DACH1: variants seen among roughly 807,000 people sequenced by gnomAD.
The protein encoded by DACH1 is dachshund homolog 1.
A neutral mutation model predicts 54.2 loss-of-function variants in DACH1; 12 were observed. The observed-to-expected ratio is 0.22, with a 90% CI of 0.14 to 0.36. The LOEUF is 0.36. Ranked by LOEUF, DACH1 falls within the 10% of genes least tolerant of loss-of-function variation. DACH1 has a pLI of 1.00. For missense variants in DACH1, 805 were observed against 929.8 expected (o/e 0.87, Z 1.75); for synonymous variants, 386 against 366.2 (o/e 1.05, Z -0.62).
At chr13:71,616,196 C>G (rs1875749384) in intron 3 of DACH1, among the ~76,000 whole-genome samples, 3 of 152,116 alleles carry the variant, frequency 2.0e-5, no homozygotes, top group Non-Finnish European at 2.9e-5. Flanking sequence ...CTCTCCTCCC[C>G]CTTACTTCCA....
intron 6 of DACH1, among the ~76,000 whole-genome samples, chr13:71,528,880 T>A (rs932108015): frequency 6.6e-6 from 1 of 152,128 alleles, no homozygotes; most frequent in Non-Finnish European, 1.5e-5. Context: ...GCTATTAATA[T>A]TAATATTAAA....
chr13:71,559,339 G>A (rs2138381152), intron 5 of DACH1, among the ~76,000 whole-genome samples: 1 of 152,222 alleles, frequency 6.6e-6, no homozygotes, highest in African/African-American at 2.4e-5. Context: ...CCACCTGAAT[G>A]ACTTAGAAAT....
At chr13:71,680,932 C>T (rs894981566) in intron 2 of DACH1, among the ~76,000 whole-genome samples, 5 of 152,024 alleles carry the variant, frequency 3.3e-5, no homozygotes, top group African/African-American at 7.2e-5. Context: ...GAAAAACTCT[C>T]ATCTTGCCTG....
chr13:71,792,527 A>G (rs766704261), intron 1 of DACH1, among the ~76,000 whole-genome samples: 1 of 152,252 alleles, frequency 6.6e-6, no homozygotes, highest in African/African-American at 2.4e-5. Context: ...AAATAATTTT[A>G]TACAATACAG....
At chr13:71,553,194 C>A (rs1277600083) in intron 6 of DACH1, among the ~76,000 whole-genome samples, 1 of 2,936 alleles carries the variant, frequency 3.4e-4, no homozygotes, top group Non-Finnish European at 6.0e-4. Context: ...AGACATATAT[C>A]CATATATGTA....
Position 71,681,803 on chromosome 13 carries a change from G to A in DACH1, c.956C>T (p.Pro319Leu), listed in dbSNP as rs772076061. The stretch of plus-strand genomic sequence containing the variant: ...GTGAGTAGCAGTCTTACCTGTTGGT[G>A]GAATTATCCCAGGAGACATGAGACC... ...VPGLMSPGII[P>L]PTGLTAAAAA... Residue 319 changes from proline to leucine, a missense_variant, in exon 2 of 11, where the codon CCA (proline) becomes CTA (leucine). Physicochemically the swap from Pro to Leu is moderately conservative, Grantham distance 98 (BLOSUM62 -3). Around this residue, in one of 3 missense-constraint regions of DACH1, gnomAD observed 472 missense variants for 545.3 expected, o/e 0.87. Coordinates refer to ENST00000613252, the MANE Select transcript of DACH1 (RefSeq NM_080759.6). 2.5e-6 allele frequency: 4 copies of A among 1,612,716 alleles called. No homozygotes were observed. Among genetic ancestry groups the A allele is most frequent in the Non-Finnish European group, 3.4e-6 (4 of 1,179,126 alleles).
At chr13:71,588,258 G>C (rs957662648) in intron 3 of DACH1, among the ~76,000 whole-genome samples, 2 of 152,022 alleles carry the variant, frequency 1.3e-5, no homozygotes, top group Non-Finnish European at 2.9e-5. Flanking sequence ...CATGTAAAAA[G>C]ACTTGAGTTG....
At chr13:71,601,863 T>A (rs1874518421) in intron 3 of DACH1, among the ~76,000 whole-genome samples, 1 of 152,004 alleles carries the variant, frequency 6.6e-6, no homozygotes, top group Non-Finnish European at 1.5e-5. Context: ...ATTTCAACAT[T>A]TGACTCTTGT....
At chr13:71,653,886 T>C (rs1239491700) in intron 2 of DACH1, among the ~76,000 whole-genome samples, 2 of 152,184 alleles carry the variant, frequency 1.3e-5, no homozygotes, top group Non-Finnish European at 2.9e-5. Context: ...TGACATTTTC[T>C]ACAGAGTAGA....
chr13:71,798,370 C>A (rs1251926749), intron 1 of DACH1, among the ~76,000 whole-genome samples: 3 of 104,548 alleles, frequency 2.9e-5, no homozygotes, highest in Non-Finnish European at 4.0e-5. Flanking sequence ...ATATCCATTA[C>A]CTATAATTTT....
chr13:71,561,364 T>G (rs1245695559), intron 4 of DACH1, among the ~76,000 whole-genome samples: 1 of 152,198 alleles, frequency 6.6e-6, no homozygotes, highest in South Asian at 2.1e-4. Context: ...TTAGTTAAGA[T>G]GAGAACATAC....
chr13:71,656,811 T>G (rs559316454), intron 2 of DACH1, among the ~76,000 whole-genome samples: 67 of 147,966 alleles, frequency 4.5e-4, no homozygotes, highest in South Asian at 1.3e-3. Flanking sequence ...AAAGTATAGA[T>G]AGATAGACAG....
intron 2 of DACH1, among the ~76,000 whole-genome samples, chr13:71,657,889 T>A: frequency 6.6e-6 from 1 of 152,164 alleles, no homozygotes. Context: ...ATTACGGGTG[T>A]GAGCCACCGT....
chr13:71,780,553 A>C (rs191104007), intron 1 of DACH1, among the ~76,000 whole-genome samples: 2 of 152,082 alleles, frequency 1.3e-5, no homozygotes, highest in African/African-American at 4.8e-5. Context: ...TCAGTGTTGA[A>C]AATCTACTCT....
intron 3 of DACH1, among the ~76,000 whole-genome samples, chr13:71,583,738 G>A (rs893806799): frequency 6.6e-6 from 1 of 152,070 alleles, no homozygotes; most frequent in Non-Finnish European, 1.5e-5. Context: ...CTACTTGGGA[G>A]GCAGGAGCGT....
chr13:71,780,637 C>A (rs1453416581), intron 1 of DACH1, among the ~76,000 whole-genome samples: 1 of 149,444 alleles, frequency 6.7e-6, no homozygotes, highest in Non-Finnish European at 1.5e-5. Flanking sequence ...CAGAGAGAGA[C>A]TTCATCTCAA....
At chr13:71,538,926 T>C (rs1004433606) in intron 6 of DACH1, among the ~76,000 whole-genome samples, 7 of 152,062 alleles carry the variant, frequency 4.6e-5, no homozygotes, top group African/African-American at 1.7e-4. Flanking sequence ...ATTTCAGAGT[T>C]TATTTTAGGC....
At chr13:71,480,127 G>A (rs1043849483) in intron 7 of DACH1, among the ~76,000 whole-genome samples, 6 of 152,110 alleles carry the variant, frequency 3.9e-5, no homozygotes, top group African/African-American at 1.4e-4. Context: ...TATGCCCCCA[G>A]GGCCCAGAAA....
intron 10 of DACH1, among the ~76,000 whole-genome samples, chr13:71,444,314 A>G (rs1874260355): frequency 6.6e-6 from 1 of 152,092 alleles, no homozygotes; most frequent in Non-Finnish European, 1.5e-5. Context: ...CTAATTCTTA[A>G]TCCCTTAATT....
Sources: allele counts gnomAD v4.1 joint callset (sites outside exome capture counted in the v4.1 genomes callset), GRCh38; gene constraint gnomAD v4.1.1; regional missense constraint gnomAD v4.1.1; transcripts MANE v1.5; gene names NCBI Gene and HGNC (gene_info 2026-07-23, HGNC 2026-07-21).